CDIN1: variants seen among roughly 807,000 people sequenced by gnomAD.
The protein encoded by CDIN1 is CDAN1 interacting nuclease 1.
A neutral mutation model predicts 45.3 loss-of-function variants in CDIN1; 33 were observed. That is an observed-to-expected ratio of 0.73 (90% CI 0.55 to 0.97). The LOEUF (loss-of-function observed/expected upper bound fraction) is 0.97, where lower values mean the gene tolerates loss of function less well. Among genes scored for constraint, CDIN1 ranks in the 50% least tolerant of loss-of-function variants. The probability of loss-of-function intolerance (pLI) is 0.00; values close to 1 mark genes in which losing one functional copy is unlikely to be tolerated. For synonymous variants in CDIN1, 118 were observed against 124.4 expected, an observed-to-expected ratio of 0.95 and a Z score of 0.34; for missense variants, 303 against 339.4, an observed-to-expected ratio of 0.89 and a Z score of 0.84.
At chr15:36,659,966 C>CTTTTTTTTTTTTTTTTTTTT (rs778988517) in intron 5 of CDIN1, among the ~76,000 whole-genome samples, 7 of 105,150 alleles carry the variant, frequency 6.7e-5, no homozygotes, top group Admixed American at 1.2e-4. Flanking sequence ...CCTTCCTTTT[C>CTTTTTTTTTTTTTTTTTTTT]TTTTTTTTTT....
At chr15:36,730,355 A>T (rs2043793615) in intron 10 of CDIN1, among the ~76,000 whole-genome samples, 1 of 152,178 alleles carries the variant, frequency 6.6e-6, no homozygotes, top group African/African-American at 2.4e-5. Context: ...TGTTGGTAAT[A>T]AGTGGTTTAT....
intron 10 of CDIN1, among the ~76,000 whole-genome samples, chr15:36,805,675 TTATA>T (rs1479061978): frequency 6.6e-6 from 1 of 152,144 alleles, no homozygotes; most frequent in Middle Eastern, 3.2e-3. Flanking sequence ...CAGAAATTGA[TTATA>T]TAAAGTTGCT....
chr15:36,619,101 A>G, intron 1 of CDIN1: 4 of 1,068,414 alleles, frequency 3.7e-6, no homozygotes, highest in Non-Finnish European at 5.5e-6. Flanking sequence ...AGAAGCCAGA[A>G]GCAAGGGCTA....
chr15:36,730,607 T>C (rs1472637522), intron 10 of CDIN1, among the ~76,000 whole-genome samples: 1 of 152,138 alleles, frequency 6.6e-6, no homozygotes, highest in Non-Finnish European at 1.5e-5. Flanking sequence ...ATATTTTAGT[T>C]TGATTTAGCA....
In CDIN1 at chr15:36,700,197, GT is replaced by G. The variant is rs550203466; in HGVS notation, c.544+2809del. Among the ~76,000 whole-genome samples the G allele has an allele frequency of 1.1e-4, 17 of 152,020 alleles. No homozygotes were observed. In the South Asian group the frequency reaches 3.6e-3, roughly 32 times the overall value. On this transcript the variant is annotated intron_variant, in intron 8 of 10. Transcript: ENST00000566621. ...TATTCATTCTTTTCAATTAACTTTT[GT>G]TGTGTTCTCTGCATGCCAGGAACTA... is the stretch of plus-strand genomic sequence containing the variant.
chr15:36,645,115 G>A (rs2040258141), intron 2 of CDIN1, 108 bp from the exon 3 acceptor site: 2 of 814,830 alleles, frequency 2.5e-6, no homozygotes, highest in Non-Finnish European at 4.0e-6. Context: ...GTTATTCAGT[G>A]TTCCCTATGT....
intron 10 of CDIN1, among the ~76,000 whole-genome samples, chr15:36,791,532 A>C (rs1361209271): frequency 6.6e-6 from 1 of 152,174 alleles, no homozygotes; most frequent in Non-Finnish European, 1.5e-5. Context: ...ATTCATATGG[A>C]TTTTATTATA....
chr15:36,710,024 A>G (rs1051765346), intron 10 of CDIN1, 63 bp downstream of exon 10: 1 of 1,267,580 alleles, frequency 7.9e-7, no homozygotes, highest in Admixed American at 2.1e-5. Flanking sequence ...ATTAGAAAAA[A>G]ATATTTTGTT....
intron 8 of CDIN1, among the ~76,000 whole-genome samples, chr15:36,703,184 C>T (rs2042705188): frequency 1.0e-5 from 1 of 99,932 alleles, no homozygotes; most frequent in Admixed American, 1.2e-4. Context: ...CACCTCTGCA[C>T]TCCAGCCTGG....
chr15:36,655,312 C>CT (rs755017089), intron 4 of CDIN1, among the ~76,000 whole-genome samples: 200 of 125,142 alleles, frequency 1.6e-3, no homozygotes, highest in African/African-American at 2.7e-3. Flanking sequence ...GAGCAGAGTG[C>CT]TTTTTTTTTT....
At chr15:36,691,594 G>C (rs2042252345) in intron 5 of CDIN1, 91 bp from the exon 6 acceptor site, 2 of 728,806 alleles carry the variant, frequency 2.7e-6, no homozygotes, top group South Asian at 4.4e-5. Flanking sequence ...TTGTTTTCAT[G>C]GTTTGTGTAT....
At chr15:36,698,320 T>G (rs993321270) in intron 8 of CDIN1, among the ~76,000 whole-genome samples, 3 of 152,226 alleles carry the variant, frequency 2.0e-5, no homozygotes, top group Admixed American at 6.5e-5. Context: ...ATTGAATGTA[T>G]TATAAGATTG....
chr15:36,606,473 G>A (rs560370084), intron 1 of CDIN1, among the ~76,000 whole-genome samples: 2 of 152,274 alleles, frequency 1.3e-5, no homozygotes, highest in East Asian at 3.9e-4. Context: ...TACCCATAAA[G>A]AGATGCGGAA....
At chr15:36,724,318 G>A (rs943589557) in intron 10 of CDIN1, among the ~76,000 whole-genome samples, 7 of 152,104 alleles carry the variant, frequency 4.6e-5, no homozygotes, top group African/African-American at 1.4e-4. Context: ...GAAGGGGACC[G>A]TATAGACTTG....
At chr15:36,725,061 ATT>A (rs1215347258) in intron 10 of CDIN1, among the ~76,000 whole-genome samples, 1 of 152,160 alleles carries the variant, frequency 6.6e-6, no homozygotes, top group African/African-American at 2.4e-5. Context: ...CTGAAAGGTC[ATT>A]CTTCTTCCTG....
At chr15:36,788,449 T>G (rs1299289883) in intron 10 of CDIN1, among the ~76,000 whole-genome samples, 1 of 152,134 alleles carries the variant, frequency 6.6e-6, no homozygotes, top group Non-Finnish European at 1.5e-5. Context: ...TTAATTTTTT[T>G]GAAGCTCTAA....
rs1030358253 is a variant in CDIN1 at position 36,808,719 on chromosome 15, A to T, written c.*266A>T. 1.4e-5 allele frequency: 7 copies of T among 500,086 alleles called. No individual in the cohort carries two copies. Among genetic ancestry groups the T allele is most frequent in the Non-Finnish European group, 2.2e-5 (6 of 272,646 alleles). The allele number at this position is 500,086 out of a possible 1,614,324, so 31.0% of individuals were successfully genotyped here. ...TCTGTCAAACAATTAGTTTATAGAT[A>T]GTCATAATCTTTCTTTCTTCCGGAT... On this transcript the variant is annotated 3_prime_UTR_variant, in exon 11 of 11. Transcript: ENST00000566621.
At chr15:36,691,870 G>C (rs528957506) in intron 6 of CDIN1, 106 bp downstream of exon 6, 1 of 940,450 alleles carries the variant, frequency 1.1e-6, no homozygotes, top group Admixed American at 2.2e-5. Context: ...CTATCACTGA[G>C]GTCAGGGTGC....
chr15:36,781,081 T>G (rs2054340404), intron 10 of CDIN1, among the ~76,000 whole-genome samples: 1 of 152,154 alleles, frequency 6.6e-6, no homozygotes, highest in Non-Finnish European at 1.5e-5. Context: ...AATTACAAGA[T>G]AAATAAACAA....
Sources: allele counts gnomAD v4.1 joint callset (sites outside exome capture counted in the v4.1 genomes callset), GRCh38; gene constraint gnomAD v4.1.1; transcripts MANE v1.5; gene names NCBI Gene and HGNC (gene_info 2026-07-23, HGNC 2026-07-21).